CMIP: variants seen among roughly 807,000 people sequenced by gnomAD.
The protein encoded by CMIP is C-Maf-inducing protein.
In CMIP, 13 loss-of-function variants were observed where a neutral mutation model predicts 97.3. The observed-to-expected ratio is 0.13, with a 90% CI of 0.09 to 0.21. The LOEUF (loss-of-function observed/expected upper bound fraction) is 0.21, where lower values mean the gene tolerates loss of function less well. Ranked by LOEUF, CMIP falls within the 10% of genes least tolerant of loss-of-function variation. The pLI is 1.00. For missense variants in CMIP, 847 were observed against 1,024.9 expected (o/e 0.83, Z 2.37); for synonymous variants, 538 against 436.3 (o/e 1.23, Z -2.91).
intron 1 of CMIP, among the ~76,000 whole-genome samples, chr16:81,560,908 A>C (rs1567580193): frequency 6.6e-6 from 1 of 152,208 alleles, no homozygotes; most frequent in South Asian, 2.1e-4. Context: ...ACAATGGCAT[A>C]ATCGCTGAAA....
At chr16:81,624,488 C>CA (rs371369093) in intron 3 of CMIP, among the ~76,000 whole-genome samples, 4,953 of 92,512 alleles carry the variant, frequency 0.054, 133 homozygotes, top group African/African-American at 0.098. Context: ...GACTCCGTCT[C>CA]AAAAAAAAAA....
At chr16:81,480,635 C>A (rs907530569) in intron 1 of CMIP, among the ~76,000 whole-genome samples, 9 of 152,204 alleles carry the variant, frequency 5.9e-5, no homozygotes, top group Admixed American at 2.6e-4. Flanking sequence ...TTGGAAGGGG[C>A]ACCTGTTGCT....
intron 1 of CMIP, among the ~76,000 whole-genome samples, chr16:81,564,285 A>T (rs768537367): frequency 1.3e-5 from 2 of 152,052 alleles, no homozygotes; most frequent in Admixed American, 6.6e-5. Flanking sequence ...CCTACTTCCA[A>T]CCCCACTTAA....
chr16:81,507,298 G>A (rs1377073185), intron 1 of CMIP, among the ~76,000 whole-genome samples: 1 of 152,116 alleles, frequency 6.6e-6, no homozygotes, highest in Admixed American at 6.6e-5. Flanking sequence ...CTTTCTGGGG[G>A]TCTTGGGTAC....
intron 1 of CMIP, among the ~76,000 whole-genome samples, chr16:81,557,456 G>A (rs551264982): frequency 6.6e-6 from 1 of 152,050 alleles, no homozygotes; most frequent in Admixed American, 6.6e-5. Flanking sequence ...AACAATAGTT[G>A]TATGTATTAC....
intron 1 of CMIP, among the ~76,000 whole-genome samples, chr16:81,535,006 A>G (rs1454083535): frequency 6.6e-6 from 1 of 152,122 alleles, no homozygotes; most frequent in Non-Finnish European, 1.5e-5. Flanking sequence ...GCTGGAGTGC[A>G]GAGGCGTGAT....
chr16:81,557,063 C>G (rs28434249), intron 1 of CMIP, among the ~76,000 whole-genome samples: 45,428 of 152,192 alleles, frequency 0.3, 7,063 homozygotes, highest in Middle Eastern at 0.34. Context: ...TGGTTTCTTG[C>G]TTGTGACGAA....
At chr16:81,548,705 G>T (rs1331957513) in intron 1 of CMIP, among the ~76,000 whole-genome samples, 1 of 152,046 alleles carries the variant, frequency 6.6e-6, no homozygotes, top group African/African-American at 2.4e-5. Context: ...AAAAAGCCAG[G>T]CATGGTGGTG....
intron 1 of CMIP, among the ~76,000 whole-genome samples, chr16:81,522,066 A>T (rs890441106): frequency 6.6e-6 from 1 of 152,184 alleles, no homozygotes; most frequent in African/African-American, 2.4e-5. Context: ...CAGACGGATG[A>T]GGTTTCTGCT....
At chr16:81,628,014 T>C (rs2092098242) in intron 3 of CMIP, among the ~76,000 whole-genome samples, 2 of 152,064 alleles carry the variant, frequency 1.3e-5, no homozygotes, top group Admixed American at 6.5e-5. Flanking sequence ...CTCATCCCCA[T>C]GCAGGGGAAA....
At position 81,621,010 on chromosome 16, in the gene CMIP, A is replaced by T. The variant is rs2091985114; in HGVS notation, c.477+84A>T. 6.4e-7 allele frequency: 1 copy of T among 1,555,112 alleles called. No individual in the cohort carries two copies. The highest frequency in any genetic ancestry group is 1.4e-5 in the African/African-American group (1 of 73,798). On this transcript the variant is annotated intron_variant, in intron 3 of 20. Coordinates refer to ENST00000537098, the MANE Select transcript of CMIP (RefSeq NM_198390.3). The surrounding 1 kb of genome is among the most constrained non-coding windows in gnomAD (Gnocchi z 4.1). ...AGCCAATCTGTCACCCAGAGGCATGAAAGTGGAGAACTCATGCCTTCCAGA... is the reference window on the plus strand; with the variant it reads ...AGCCAATCTGTCACCCAGAGGCATGTAAGTGGAGAACTCATGCCTTCCAGA...
At chr16:81,501,832 G>A (rs1243945759) in intron 1 of CMIP, among the ~76,000 whole-genome samples, 1 of 152,052 alleles carries the variant, frequency 6.6e-6, no homozygotes, top group Non-Finnish European at 1.5e-5. Context: ...AGCTGGTCTC[G>A]AACTCCTGAC....
intron 7 of CMIP, among the ~76,000 whole-genome samples, chr16:81,669,229 C>G (rs1684446609): frequency 7.4e-6 from 1 of 135,870 alleles, no homozygotes; most frequent in African/African-American, 2.8e-5. Flanking sequence ...TCCACATCCA[C>G]CTCACACCTC....
chr16:81,569,297 G>A (rs1216562591), intron 1 of CMIP, among the ~76,000 whole-genome samples: 1 of 152,184 alleles, frequency 6.6e-6, no homozygotes, highest in African/African-American at 2.4e-5. Context: ...ACTTCGCAGA[G>A]GCAAAAACTG....
intron 1 of CMIP, among the ~76,000 whole-genome samples, chr16:81,529,587 G>C (rs1000537562): frequency 6.6e-6 from 1 of 152,232 alleles, no homozygotes; most frequent in Admixed American, 6.5e-5. Flanking sequence ...CCGCAGAGGA[G>C]ACTGGGTTGA....
Position 81,657,777 on chromosome 16 carries a change from C to A in CMIP, c.642C>A (p.Asn214Lys). Residue 214 changes from asparagine to lysine, a missense_variant and splice_region_variant, in exon 5 of 21, where the codon AAC becomes AAA. Physicochemically the swap from Asn to Lys is moderately conservative, Grantham distance 94. Coordinates refer to ENST00000537098, the MANE Select transcript of CMIP (RefSeq NM_198390.3). Reference protein sequence around the residue: ...LEIVSKLLSENTNLTTQEHEN... With the variant: ...LEIVSKLLSEKTNLTTQEHEN... ...GCTGTCTCCATTCAATCCTTTAGAACACAAACTTGACCACCCAGGAGCATG... is the reference window on the plus strand; with the variant it reads ...GCTGTCTCCATTCAATCCTTTAGAAAACAAACTTGACCACCCAGGAGCATG... The A allele has an allele frequency of 6.2e-7, 1 of 1,606,780 alleles. No homozygotes were observed. Among genetic ancestry groups the A allele is most frequent in the Admixed American group, 1.7e-5 (1 of 58,890 alleles).
intron 10 of CMIP, among the ~76,000 whole-genome samples, chr16:81,686,625 C>T (rs1021126135): frequency 6.6e-6 from 1 of 152,208 alleles, no homozygotes. Context: ...CGTCTGGCAT[C>T]GGAGCCTTTC....
chr16:81,474,719 G>A (rs1223647674), intron 1 of CMIP, among the ~76,000 whole-genome samples: 1 of 152,212 alleles, frequency 6.6e-6, no homozygotes, highest in Non-Finnish European at 1.5e-5. Context: ...TGCTCATGGC[G>A]CCCTCCTCCT....
At chr16:81,498,174 T>C (rs1034165453) in intron 1 of CMIP, among the ~76,000 whole-genome samples, 2 of 152,238 alleles carry the variant, frequency 1.3e-5, no homozygotes, top group African/African-American at 4.8e-5. Context: ...ACCATAGAAC[T>C]CGGCTTCCTT....
Sources: gnomAD v4.1 joint callset for allele counts (sites outside exome capture counted in the v4.1 genomes callset) on GRCh38, gnomAD v4.1.1 for gene constraint, Gnocchi (gnomAD v3.1) non-coding constraint, MANE v1.5 for transcripts, NCBI Gene and HGNC (gene_info 2026-07-23, HGNC 2026-07-21) for gene names.